PHIP: variants seen among roughly 807,000 people sequenced by gnomAD.
PHIP encodes the protein PHIP subunit of CUL4-Ring ligase complex.
PHIP carries 54 observed loss-of-function variants against 236.8 expected under a neutral mutation model. The observed-to-expected ratio is 0.23, with a 90% CI of 0.18 to 0.29. PHIP has a LOEUF of 0.29. PHIP is among the 10% of genes least tolerant of loss of function. The pLI is 1.00. For synonymous variants in PHIP, 756 were observed against 718.9 expected, an observed-to-expected ratio of 1.05 and a Z score of -0.83; for missense variants, 1,370 against 2,190.8, an observed-to-expected ratio of 0.63 and a Z score of 7.48.
intron 9 of PHIP, among the ~76,000 whole-genome samples, chr6:79,021,697 T>C (rs1771124274): frequency 6.6e-6 from 1 of 152,114 alleles, no homozygotes; most frequent in African/African-American, 2.4e-5. Context: ...ATTCATGAGA[T>C]AGTAGAGGAT....
At chr6:78,990,729 C>T (rs1769185922) in intron 20 of PHIP, 139 bp downstream of exon 20, 1 of 485,564 alleles carries the variant, frequency 2.1e-6, no homozygotes, top group Non-Finnish European at 3.6e-6. Flanking sequence ...AATAGATAAT[C>T]CAGAGATAAC....
chr6:78,990,713 G>T (rs1334993004), intron 20 of PHIP, among the ~76,000 whole-genome samples, 155 bp downstream of exon 20: 1 of 152,030 alleles, frequency 6.6e-6, no homozygotes, highest in African/African-American at 2.4e-5. Flanking sequence ...ATTTTAAATA[G>T]TAAACAATAG....
At chr6:78,971,788 G>A (rs747305960) in intron 24 of PHIP, among the ~76,000 whole-genome samples, 59 of 152,218 alleles carry the variant, frequency 3.9e-4, no homozygotes, top group Non-Finnish European at 6.9e-4. Context: ...GGAAAATCGG[G>A]TCACTCCCAC....
chr6:79,051,548 G>C (rs1040010931), intron 6 of PHIP, among the ~76,000 whole-genome samples: 44 of 152,100 alleles, frequency 2.9e-4, no homozygotes, highest in Admixed American at 7.9e-4. Context: ...TTGGTGTGTA[G>C]TTGCACCTCC....
Position 78,970,819 on chromosome 6 carries a change from T to G in PHIP, c.2959A>C (p.Asn987His), listed in dbSNP as rs370887008. The change falls in exon 25 of 40, where the codon AAT (asparagine) becomes CAT (histidine). Residue 987 changes from asparagine (N) to histidine (H), a missense_variant. This residue lies in a region of PHIP where 238 missense variants were observed against 398.5 expected (regional missense o/e 0.60). Coordinates refer to ENST00000275034, the MANE Select transcript of PHIP (RefSeq NM_017934.7). ...TTATGCCATGGTTGTTTTTTGGGAT[T>G]GATACTATATATTTTATTTTTCCGG... ...MARKNKIYSI[N>H]PKKQPWHKME... 6.2e-7 allele frequency: 1 copy of G among 1,611,512 alleles called. No individual in the cohort carries two copies. The highest frequency in any genetic ancestry group is 1.3e-5 in the African/African-American group (1 of 74,836).
chr6:78,955,436 T>TA (rs1265913239), intron 33 of PHIP, among the ~76,000 whole-genome samples, 154 bp from the exon 34 acceptor site: 1 of 151,866 alleles, frequency 6.6e-6, no homozygotes, highest in Non-Finnish European at 1.5e-5. Flanking sequence ...TTCCCCCCAT[T>TA]AAAAAATTTT....
intron 9 of PHIP, among the ~76,000 whole-genome samples, chr6:79,025,034 G>C (rs995235129): frequency 6.6e-6 from 1 of 152,136 alleles, no homozygotes; most frequent in African/African-American, 2.4e-5. Flanking sequence ...TGTTATTATG[G>C]GGAGGGAGGG....
At chr6:79,037,107 T>C (rs977052879) in intron 7 of PHIP, among the ~76,000 whole-genome samples, 2 of 152,086 alleles carry the variant, frequency 1.3e-5, no homozygotes, top group African/African-American at 4.8e-5. Flanking sequence ...TCAAATTTTG[T>C]CAACTGTTTT....
Position 78,937,690 on chromosome 6 carries a change from GT to G in PHIP, c.*3002del, listed in dbSNP as rs5877635. The G allele has an allele frequency of 0.33, 49,725 of 151,446 alleles. 9,728 individuals are homozygous for G. Among genetic ancestry groups the G allele is most frequent in the East Asian group, 0.69 (3,538 of 5,162 alleles). The allele number at this position is 151,446 out of a possible 1,614,324, so 9.4% of individuals were successfully genotyped here. On this transcript the variant is annotated 3_prime_UTR_variant, in exon 40 of 40. Coordinates refer to ENST00000275034, the MANE Select transcript of PHIP (RefSeq NM_017934.7). ...ACAATTGAAATAAGGCCAATCTTTA[GT>G]TTATAATACATGCAGAAAATAGTCC... is the stretch of plus-strand genomic sequence containing the variant.
rs1768764642 is a variant in PHIP at position 78,984,787 on chromosome 6, G to T, written c.2537+565C>A. The stretch of plus-strand genomic sequence containing the variant: ...TATTTTAAGAGCCACTAAGGTGGGG[G>T]ATAAGTGTAGCAGCTAATCATAATT... On this transcript the variant is annotated intron_variant, in intron 22 of 39. Coordinates refer to ENST00000275034, the MANE Select transcript of PHIP (RefSeq NM_017934.7). 2.0e-5 allele frequency among the ~76,000 whole-genome samples: 3 copies of T among 152,098 alleles called. 1 individual carries two copies. The highest frequency in any genetic ancestry group is 2.0e-4 in the Admixed American group (3 of 15,262).
intron 24 of PHIP, among the ~76,000 whole-genome samples, chr6:78,975,319 A>T (rs1371057018): frequency 6.6e-6 from 1 of 152,250 alleles, no homozygotes; most frequent in East Asian, 1.9e-4. Flanking sequence ...GACAAAAATC[A>T]ACAACCTTTC....
intron 31 of PHIP, among the ~76,000 whole-genome samples, chr6:78,960,827 A>G (rs541707094): frequency 1.3e-5 from 2 of 152,132 alleles, no homozygotes; most frequent in South Asian, 2.1e-4. Context: ...AATTTAAGTC[A>G]TAAAAAGAAC....
chr6:79,050,075 T>A lies in PHIP; in HGVS notation c.440-7072A>T, dbSNP rs567746079. Among the ~76,000 whole-genome samples, 135 of 151,528 alleles carry A rather than the reference T, an allele frequency of 8.9e-4. 1 individual carries two copies. The highest frequency in any genetic ancestry group is 1.4e-3 in the Non-Finnish European group (94 of 67,754). On this transcript the variant is annotated intron_variant, in intron 6 of 39. Coordinates refer to ENST00000275034, the MANE Select transcript of PHIP (RefSeq NM_017934.7). ...CTATAAAGGAAGAGGAAAGCAACCA[T>A]GGTTTAGAGTTATGAGAGGTTTTTA...
intron 10 of PHIP, among the ~76,000 whole-genome samples, chr6:79,018,821 G>A (rs956057777): frequency 4.0e-5 from 6 of 151,866 alleles, no homozygotes; most frequent in Non-Finnish European, 8.8e-5. Flanking sequence ...TAACAGGGTC[G>A]ATTTTGAAAC....
At chr6:78,953,408 G>A (rs1219037112) in intron 35 of PHIP, among the ~76,000 whole-genome samples, 1 of 152,086 alleles carries the variant, frequency 6.6e-6, no homozygotes, top group African/African-American at 2.4e-5. Context: ...GCAAAGCCCA[G>A]AATACAAACG....
At chr6:79,032,064 A>C (rs1348551306) in intron 7 of PHIP, among the ~76,000 whole-genome samples, 2 of 152,236 alleles carry the variant, frequency 1.3e-5, no homozygotes, top group African/African-American at 2.4e-5. Flanking sequence ...CGTTTACATT[A>C]TGCTGCAGTG....
intron 9 of PHIP, among the ~76,000 whole-genome samples, chr6:79,023,747 C>A (rs1410570627): frequency 6.6e-6 from 1 of 152,032 alleles, no homozygotes; most frequent in Non-Finnish European, 1.5e-5. Context: ...TATGGACAAG[C>A]TTACTTCTCA....
intron 4 of PHIP, among the ~76,000 whole-genome samples, chr6:79,073,081 T>C (rs1266626645): frequency 6.6e-6 from 1 of 152,180 alleles, no homozygotes; most frequent in Non-Finnish European, 1.5e-5. Context: ...AAAACCATTA[T>C]GGTTTGGGAA....
rs1774268015 is a variant in PHIP at position 79,077,921 on chromosome 6, G to A, written c.41-8C>T. On this transcript the variant is annotated splice_polypyrimidine_tract_variant and splice_region_variant and intron_variant, in intron 1 of 39. Transcript: ENST00000275034. ...CGATGAGGAAGTAGAGCTCTGCGCG[G>A]GAGAGAGGGACGGGGAGACACACAG... 6.3e-7 allele frequency: 1 copy of A among 1,594,622 alleles called. No individual in the cohort carries two copies. The highest frequency in any genetic ancestry group is 8.5e-7 in the Non-Finnish European group (1 of 1,171,494).
Sources: gnomAD v4.1 joint callset for allele counts (sites outside exome capture counted in the v4.1 genomes callset) on GRCh38, gnomAD v4.1.1 for gene constraint, gnomAD v4.1.1 regional missense constraint, MANE v1.5 for transcripts, NCBI Gene and HGNC (gene_info 2026-07-23, HGNC 2026-07-21) for gene names.